Variants in COL14A1 observed in about 807,000 individuals in gnomAD.
COL14A1 encodes collagen alpha-1(XIV) chain.
COL14A1 carries 136 observed loss-of-function variants against 230.3 expected under a neutral mutation model. The observed-to-expected ratio is 0.59, with a 90% CI of 0.51 to 0.68. The LOEUF is 0.68. Ranked by LOEUF, COL14A1 falls within the 30% of genes least tolerant of loss-of-function variation. The probability of loss-of-function intolerance (pLI) is 0.00; values close to 1 mark genes in which losing one functional copy is unlikely to be tolerated. For synonymous variants in COL14A1, 792 were observed against 784.1 expected (o/e 1.01, Z -0.17); for missense variants, 1,976 against 2,215.8 (o/e 0.89, Z 2.17).
chr8:120,338,135 A>G (rs1464987852), intron 42 of COL14A1, among the ~76,000 whole-genome samples: 1 of 152,248 alleles, frequency 6.6e-6, no homozygotes, highest in Non-Finnish European at 1.5e-5. Flanking sequence ...AAGAATAGCA[A>G]GAAAACTGTC....
At chr8:120,166,907 T>TGTG (rs1439336261) in intron 4 of COL14A1, among the ~76,000 whole-genome samples, 2 of 149,326 alleles carry the variant, frequency 1.3e-5, no homozygotes, top group African/African-American at 5.0e-5. Context: ...TGTGTGTGTG[T>TGTG]GTGTGTGTGT....
intron 14 of COL14A1, among the ~76,000 whole-genome samples, chr8:120,220,976 T>G (rs1442426566): frequency 1.3e-5 from 2 of 152,204 alleles, no homozygotes; most frequent in Admixed American, 6.5e-5. Context: ...GAATATCTCA[T>G]GTAATCCTTA....
At chr8:120,215,721 T>G (rs1817730432) in intron 13 of COL14A1, among the ~76,000 whole-genome samples, 1 of 151,998 alleles carries the variant, frequency 6.6e-6, no homozygotes, top group African/African-American at 2.4e-5. Flanking sequence ...ATCTGGATAA[T>G]GGATTAGAAG....
intron 13 of COL14A1, 22 bp downstream of exon 13, chr8:120,212,599 T>C (rs150150341): frequency 1.2e-6 from 2 of 1,612,520 alleles, no homozygotes; most frequent in African/African-American, 1.3e-5. Flanking sequence ...AGCCATTCAG[T>C]TGGGATGCTG....
chr8:120,166,922 G>GTA (rs1217998586), intron 4 of COL14A1, among the ~76,000 whole-genome samples: 1 of 134,412 alleles, frequency 7.4e-6, no homozygotes, highest in East Asian at 2.1e-4. Context: ...GTGTGTGTGT[G>GTA]GTGGTGATGA....
At chr8:120,240,555 T>C (rs542246626) in intron 19 of COL14A1, among the ~76,000 whole-genome samples, 1 of 152,232 alleles carries the variant, frequency 6.6e-6, no homozygotes, top group East Asian at 1.9e-4. Context: ...GGCTAAGACA[T>C]ACTATGAAAG....
intron 43 of COL14A1, 24 bp from the exon 44 acceptor site, chr8:120,342,356 G>T: frequency 1.2e-6 from 2 of 1,612,590 alleles, no homozygotes; most frequent in Admixed American, 1.7e-5. Context: ...GCTGAGTCAG[G>T]AGTATGCTTT....
chr8:120,248,213 A>G (rs1818821787), intron 21 of COL14A1, among the ~76,000 whole-genome samples: 1 of 152,102 alleles, frequency 6.6e-6, no homozygotes, highest in Non-Finnish European at 1.5e-5. Flanking sequence ...GGGAAGAAAA[A>G]AAAAACTCAT....
At chr8:120,264,353 A>G (rs897270260) in intron 24 of COL14A1, among the ~76,000 whole-genome samples, 6 of 152,148 alleles carry the variant, frequency 3.9e-5, no homozygotes, top group African/African-American at 4.8e-5. Flanking sequence ...ATAGTTTTGA[A>G]GTTAATAGGA....
chr8:120,263,945 T>G (rs1303635405), intron 24 of COL14A1, among the ~76,000 whole-genome samples: 8 of 152,328 alleles, frequency 5.3e-5, no homozygotes, highest in Middle Eastern at 3.4e-3. Flanking sequence ...ATGCAGTATT[T>G]CATATTCCAC....
chr8:120,315,298 A>T (rs776370882), intron 38 of COL14A1, among the ~76,000 whole-genome samples: 21 of 148,110 alleles, frequency 1.4e-4, no homozygotes, highest in Non-Finnish European at 2.8e-4. Flanking sequence ...TGGACCCAGG[A>T]GGCAGAGGTT....
In COL14A1 at chr8:120,219,080, A is replaced by G. The variant is rs546060061; in HGVS notation, c.1737+2590A>G. Among the ~76,000 whole-genome samples, 733 of 151,764 alleles carry G rather than the reference A, an allele frequency of 4.8e-3. 1 individual carries two copies. Among genetic ancestry groups the G allele is most frequent in the Non-Finnish European group, 8.4e-3 (569 of 67,932 alleles). ...ATAATCATAAGCATTCTTTTAGTCC[A>G]TTTGGTTTACTGTAACAAAATACCT... On this transcript the variant is annotated intron_variant, in intron 14 of 47. Coordinates refer to ENST00000297848, the MANE Select transcript of COL14A1 (RefSeq NM_021110.4).
chr8:120,276,791 A>G (rs1279947174), intron 26 of COL14A1, among the ~76,000 whole-genome samples: 1 of 151,958 alleles, frequency 6.6e-6, no homozygotes, highest in African/African-American at 2.4e-5. Context: ...ATATGTAACA[A>G]ACCTTCACAT....
At chr8:120,284,947 A>C (rs1820147971) in intron 32 of COL14A1, among the ~76,000 whole-genome samples, 1 of 152,178 alleles carries the variant, frequency 6.6e-6, no homozygotes, top group African/African-American at 2.4e-5. Flanking sequence ...ATTTAAAAAA[A>C]AATTCCATAG....
chr8:120,171,529 T>C (rs1816094700), intron 5 of COL14A1, among the ~76,000 whole-genome samples: 1 of 152,192 alleles, frequency 6.6e-6, no homozygotes, highest in African/African-American at 2.4e-5. Flanking sequence ...TCTAATCATT[T>C]CAAAGACATT....
At chr8:120,238,111 G>A (rs994046708) in intron 19 of COL14A1, among the ~76,000 whole-genome samples, 1 of 152,192 alleles carries the variant, frequency 6.6e-6, no homozygotes, top group Admixed American at 6.5e-5. Flanking sequence ...GAGACTGTCT[G>A]TCCCTTAGCA....
chr8:120,330,738 C>T (rs542311009), intron 40 of COL14A1, among the ~76,000 whole-genome samples: 3 of 152,280 alleles, frequency 2.0e-5, no homozygotes, highest in Non-Finnish European at 2.9e-5. Flanking sequence ...TCCTTTCCCT[C>T]GGCCTTATCA....
chr8:120,371,149 T>A lies in COL14A1; in HGVS notation c.5312-3T>A. On this transcript the variant is annotated splice_region_variant and splice_polypyrimidine_tract_variant and intron_variant, in intron 47 of 47. Coordinates refer to ENST00000297848, the MANE Select transcript of COL14A1 (RefSeq NM_021110.4). ...AGTCCCCACCCCCACTTTTCCTCTT[T>A]AGCTCCCCATCCAGATCAGCCAGAG... The A allele has an allele frequency of 6.2e-7, 1 of 1,604,232 alleles. No homozygotes were observed. Among genetic ancestry groups the A allele is most frequent in the Non-Finnish European group, 8.5e-7 (1 of 1,176,718 alleles).
intron 1 of COL14A1, among the ~76,000 whole-genome samples, chr8:120,140,914 G>A (rs949411144): frequency 6.6e-6 from 1 of 152,178 alleles, no homozygotes; most frequent in Admixed American, 6.5e-5. Context: ...AAGAGCACTT[G>A]TATTAAACAT....
Sources: gnomAD v4.1 joint callset for allele counts (sites outside exome capture counted in the v4.1 genomes callset) on GRCh38, gnomAD v4.1.1 for gene constraint, MANE v1.5 for transcripts, NCBI Gene and HGNC (gene_info 2026-07-23, HGNC 2026-07-21) for gene names.